The following ANXA3 variants were observed in gnomAD, a reference collection of about 807,000 sequenced individuals.
ANXA3 encodes the protein 35-alpha calcimedin.
Under a neutral mutation model 48.8 loss-of-function variants are expected in ANXA3, and 46 were observed. That is an observed-to-expected ratio of 0.94 (90% CI 0.74 to 1.21). The LOEUF is 1.21. Ranked by LOEUF, ANXA3 falls within the 50% of genes most tolerant of loss-of-function variation. The pLI is 0.00. For synonymous variants in ANXA3, 128 were observed against 134.7 expected (o/e 0.95, Z 0.35); for missense variants, 383 against 378.6 (o/e 1.01, Z -0.10).
intron 11 of ANXA3, chr4:78,602,607 G>C (rs963163202): frequency 2.0e-5 from 3 of 152,176 alleles, no homozygotes; most frequent in Non-Finnish European, 4.4e-5. Context: ...CTGCCAGATG[G>C]TGCGCTCCAT....
intron 4 of ANXA3, 29 bp downstream of exon 4, chr4:78,579,150 A>C (rs753756532): frequency 1.3e-6 from 2 of 1,493,450 alleles, no homozygotes; most frequent in Non-Finnish European, 1.9e-6. Flanking sequence ...GACAGGCAGT[A>C]AAGAGATCAT....
chr4:78,594,325 A>G (rs1460910964), intron 7 of ANXA3, among the ~76,000 whole-genome samples: 2 of 152,248 alleles, frequency 1.3e-5, no homozygotes, highest in African/African-American at 4.8e-5. Flanking sequence ...TTTGGCAATT[A>G]TAAATAAAAC....
chr4:78,560,043 T>C (rs1042952713), intron 2 of ANXA3, among the ~76,000 whole-genome samples: 5 of 152,202 alleles, frequency 3.3e-5, no homozygotes, highest in Admixed American at 2.6e-4. Flanking sequence ...CCCATTGGAA[T>C]GGTTCTTTCA....
chr4:78,564,411 G>C (rs1407106681), intron 2 of ANXA3, among the ~76,000 whole-genome samples: 1 of 152,134 alleles, frequency 6.6e-6, no homozygotes, highest in African/African-American at 2.4e-5. Context: ...GTAGAGCTTG[G>C]AGAAAGTCCA....
chr4:78,604,545 G>C, intron 12 of ANXA3, 146 bp downstream of exon 12: 1 of 622,390 alleles, frequency 1.6e-6, no homozygotes. Flanking sequence ...GCTTAAAATA[G>C]TAGCAGCAAA....
At chr4:78,554,387 G>A (rs1722466559) in intron 1 of ANXA3, 49 bp from the exon 2 acceptor site, 1 of 1,263,212 alleles carries the variant, frequency 7.9e-7, no homozygotes, top group South Asian at 1.2e-5. Flanking sequence ...AGATTATTGT[G>A]TTCTGAATCA....
chr4:78,605,554 T>C (rs1723628786), intron 12 of ANXA3, among the ~76,000 whole-genome samples: 3 of 152,214 alleles, frequency 2.0e-5, no homozygotes, highest in Admixed American at 2.0e-4. Flanking sequence ...TCCTTTGACT[T>C]GGCCAAAAGT....
rs1325030275 is a variant in ANXA3 at position 78,565,742 on chromosome 4, A to G, written c.16-7438A>G. ...TCTATAAAATCACGGTATTAATTGT[A>G]CCTACCTCATAGGGTGGTTTTGAGG... is the stretch of plus-strand genomic sequence containing the variant. On this transcript the variant is annotated intron_variant, in intron 2 of 12. Coordinates refer to ENST00000264908, the MANE Select transcript of ANXA3 (RefSeq NM_005139.3). Among the ~76,000 whole-genome samples, 3 of 152,232 alleles carry G rather than the reference A, an allele frequency of 2.0e-5. No individual in the cohort carries two copies. In the South Asian group the frequency reaches 6.2e-4, roughly 31 times the overall value.
At chr4:78,593,012 A>G (rs1723331973) in intron 7 of ANXA3, among the ~76,000 whole-genome samples, 1 of 152,072 alleles carries the variant, frequency 6.6e-6, no homozygotes, top group South Asian at 2.1e-4. Flanking sequence ...TAAATGTTTC[A>G]TTCACCTATA....
intron 4 of ANXA3, among the ~76,000 whole-genome samples, chr4:78,581,117 T>C (rs980376145): frequency 6.6e-6 from 1 of 152,038 alleles, no homozygotes; most frequent in Non-Finnish European, 1.5e-5. Context: ...TAAAGCAGAG[T>C]TGATAACACT....
chr4:78,552,948 T>G (rs1030715881), intron 1 of ANXA3, among the ~76,000 whole-genome samples: 4 of 152,252 alleles, frequency 2.6e-5, no homozygotes, highest in African/African-American at 7.2e-5. Flanking sequence ...AAGGAAATGA[T>G]GTAATCCCTT....
chr4:78,594,809 A>C (rs972400576), intron 7 of ANXA3, among the ~76,000 whole-genome samples: 3 of 152,082 alleles, frequency 2.0e-5, no homozygotes, highest in Non-Finnish European at 4.4e-5. Context: ...ATGTTCTCCC[A>C]GTTTGTACCT....
At chr4:78,603,632 A>T (rs1723589767) in intron 11 of ANXA3, 1 of 152,246 alleles carries the variant, frequency 6.6e-6, no homozygotes, top group Non-Finnish European at 1.5e-5. Flanking sequence ...TGAAACCACG[A>T]ATTTGATCTG....
At position 78,567,264 on chromosome 4, in the gene ANXA3, A is replaced by G. The variant is rs79757424; in HGVS notation, c.16-5916A>G. ...CAAGCTGCTGGTTTCGAATGACATG[A>G]ATATATTATCTCACAGTTCTGGAGG... On this transcript the variant is annotated intron_variant, in intron 2 of 12. Transcript: ENST00000264908. Among the ~76,000 whole-genome samples, 1,289 of 152,306 alleles carry G rather than the reference A, an allele frequency of 8.5e-3. 17 individuals carry two copies. The highest frequency in any genetic ancestry group is 0.029 in the African/African-American group (1,213 of 41,548).
intron 2 of ANXA3, among the ~76,000 whole-genome samples, chr4:78,558,629 T>G (rs942822710): frequency 6.6e-6 from 1 of 152,342 alleles, no homozygotes; most frequent in Admixed American, 6.5e-5. Flanking sequence ...GTCTTTTATA[T>G]TCTATCTAGG....
chr4:78,572,512 G>A (rs748287144), intron 2 of ANXA3, among the ~76,000 whole-genome samples: 12 of 152,168 alleles, frequency 7.9e-5, no homozygotes, highest in Non-Finnish European at 1.6e-4. Flanking sequence ...GGTTAAAATG[G>A]AGGGCAGGGG....
chr4:78,601,712 G>A lies in ANXA3; in HGVS notation c.789+144G>A. ...ATAAATTATATTACAGCAAATCAAG[G>A]TATGATACAATACACTCTTTACACA... On this transcript the variant is annotated intron_variant, in intron 11 of 12. Coordinates refer to ENST00000264908, the MANE Select transcript of ANXA3 (RefSeq NM_005139.3). 4.4e-6 allele frequency: 3 copies of A among 680,642 alleles called. No individual in the cohort carries two copies. In the South Asian group the frequency reaches 6.4e-5, roughly 15 times the overall value. 42.2% of individuals were successfully genotyped at this position (680,642 alleles called of 1,614,324 possible). A position where few individuals can be genotyped will look rare whatever the true frequency, so the allele number is the denominator to read the frequency against.
rs1723728542 is a variant in ANXA3 at position 78,610,112 on chromosome 4, C to T, written c.969C>T (p.Asp323=). The change falls in exon 13 of 13, where the codon GAC becomes GAT. Residue 323 remains aspartate, a synonymous_variant. Transcript: ENST00000264908. ...ITLLKICGGD[D] is the part of the protein sequence containing the mutation. ...TCTTAAAAATCTGTGGTGGAGATGA[C>T]TGAACCAAGAAGATAATCTCCAAAG... The T allele has an allele frequency of 1.2e-6, 2 of 1,608,648 alleles. No homozygotes were observed. The highest frequency in any genetic ancestry group is 1.7e-5 in the Admixed American group (1 of 59,666).
At chr4:78,596,905 A>T (rs1223011791) in intron 9 of ANXA3, among the ~76,000 whole-genome samples, 1 of 152,224 alleles carries the variant, frequency 6.6e-6, no homozygotes, top group Non-Finnish European at 1.5e-5. Flanking sequence ...ATTCAGCACA[A>T]GGAAGTCTTC....
Sources: gnomAD v4.1 joint callset for allele counts (sites outside exome capture counted in the v4.1 genomes callset) on GRCh38, gnomAD v4.1.1 for gene constraint, MANE v1.5 for transcripts, NCBI Gene and HGNC (gene_info 2026-07-23, HGNC 2026-07-21) for gene names.